The following SLC35F3 variants were observed in gnomAD, a reference collection of about 807,000 sequenced individuals.
SLC35F3 encodes the protein putative thiamine transporter SLC35F3.
SLC35F3 carries 25 observed loss-of-function variants against 49.9 expected under a neutral mutation model. The observed-to-expected ratio is 0.50, with a 90% CI of 0.37 to 0.70. The LOEUF is 0.70. Among genes scored for constraint, SLC35F3 ranks in the 30% least tolerant of loss-of-function variants. The pLI, the probability that SLC35F3 is intolerant of heterozygous loss-of-function variation, is 0.00. For synonymous variants in SLC35F3, 275 were observed against 265.4 expected, an observed-to-expected ratio of 1.04 and a Z score of -0.35; for missense variants, 525 against 639.8, an observed-to-expected ratio of 0.82 and a Z score of 1.94.
chr1:234,243,600 AATAG>A (rs766351727), intron 3 of SLC35F3, among the ~76,000 whole-genome samples: 14 of 152,212 alleles, frequency 9.2e-5, no homozygotes, highest in Non-Finnish European at 1.9e-4. Context: ...TAGGAGGTGT[AATAG>A]ATCTTCTCTA....
At chr1:234,289,091 A>C (rs1668466873) in intron 3 of SLC35F3, among the ~76,000 whole-genome samples, 1 of 152,194 alleles carries the variant, frequency 6.6e-6, no homozygotes, top group Non-Finnish European at 1.5e-5. Context: ...CAGTGCCCAG[A>C]GCCTTGAAAA....
chr1:233,911,101 A>G (rs1661866825), intron 2 of SLC35F3, among the ~76,000 whole-genome samples: 1 of 152,158 alleles, frequency 6.6e-6, no homozygotes, highest in Non-Finnish European at 1.5e-5. Context: ...TAAAAGTTGT[A>G]AAGGGTTTGT....
chr1:234,127,471 G>T (rs1417184714), intron 2 of SLC35F3, among the ~76,000 whole-genome samples: 2 of 152,166 alleles, frequency 1.3e-5, no homozygotes, highest in Non-Finnish European at 2.9e-5. Context: ...CTGCATGGGT[G>T]AGATCCTTTT....
chr1:234,099,565 G>A (rs893136156), intron 2 of SLC35F3, among the ~76,000 whole-genome samples: 68 of 145,610 alleles, frequency 4.7e-4, no homozygotes, highest in African/African-American at 1.6e-3. Context: ...AGCTGAGATC[G>A]CGCCACTGCA....
intron 2 of SLC35F3, among the ~76,000 whole-genome samples, chr1:233,941,790 A>G (rs1345095891): frequency 6.6e-6 from 1 of 152,132 alleles, no homozygotes; most frequent in Non-Finnish European, 1.5e-5. Flanking sequence ...ATTTTTTAAC[A>G]GCTTTATTGA....
chr1:234,238,532 G>A (rs1162545122), intron 3 of SLC35F3, among the ~76,000 whole-genome samples: 1 of 152,090 alleles, frequency 6.6e-6, no homozygotes, highest in Non-Finnish European at 1.5e-5. Context: ...TTTACACCAG[G>A]TCCCACCACT....
intron 3 of SLC35F3, among the ~76,000 whole-genome samples, chr1:234,293,270 G>A (rs553162764): frequency 6.6e-6 from 1 of 152,334 alleles, no homozygotes; most frequent in East Asian, 1.9e-4. Context: ...AAGGCCTGTC[G>A]GGAAGCCTCT....
At chr1:234,077,479 C>T (rs1664809594) in intron 2 of SLC35F3, among the ~76,000 whole-genome samples, 1 of 152,178 alleles carries the variant, frequency 6.6e-6, no homozygotes, top group South Asian at 2.1e-4. Flanking sequence ...CTCCTGAAAA[C>T]TCACTATCAT....
At chr1:233,977,860 C>T (rs1268836062) in intron 2 of SLC35F3, among the ~76,000 whole-genome samples, 1 of 152,074 alleles carries the variant, frequency 6.6e-6, no homozygotes, top group African/African-American at 2.4e-5. Context: ...CAGGCCAGGG[C>T]GTTTGGACTC....
At chr1:234,081,475 G>A (rs529935988) in intron 2 of SLC35F3, among the ~76,000 whole-genome samples, 1 of 152,274 alleles carries the variant, frequency 6.6e-6, no homozygotes, top group South Asian at 2.1e-4. Context: ...AGGACCTGGG[G>A]GAGGGGCTAC....
At chr1:234,286,172 A>C (rs1180000266) in intron 3 of SLC35F3, among the ~76,000 whole-genome samples, 1 of 152,242 alleles carries the variant, frequency 6.6e-6, no homozygotes, top group Admixed American at 6.5e-5. Context: ...GACAAAATTG[A>C]GGCTCAGAGA....
intron 2 of SLC35F3, among the ~76,000 whole-genome samples, chr1:234,034,435 A>G (rs1252952966): frequency 1.3e-5 from 2 of 152,216 alleles, no homozygotes; most frequent in Non-Finnish European, 2.9e-5. Flanking sequence ...CTCAGGTGGA[A>G]TACTTCCAAC....
chr1:233,974,856 G>A (rs1197282492), intron 2 of SLC35F3, among the ~76,000 whole-genome samples: 1 of 152,232 alleles, frequency 6.6e-6, no homozygotes, highest in East Asian at 1.9e-4. Flanking sequence ...ATTATTCTGA[G>A]ATCATAATGT....
intron 2 of SLC35F3, among the ~76,000 whole-genome samples, chr1:234,087,914 C>A (rs1427637833): frequency 2.0e-5 from 3 of 152,158 alleles, no homozygotes; most frequent in African/African-American, 7.2e-5. Context: ...AGTGACATGG[C>A]CCTTCTTTAT....
intron 2 of SLC35F3, among the ~76,000 whole-genome samples, chr1:233,996,443 A>G (rs1274652300): frequency 6.6e-6 from 1 of 152,088 alleles, no homozygotes; most frequent in Non-Finnish European, 1.5e-5. Context: ...TGCATGTGTT[A>G]TTCCTAGTGC....
chr1:234,226,524 T>C (rs1667287213), intron 2 of SLC35F3, among the ~76,000 whole-genome samples: 2 of 149,694 alleles, frequency 1.3e-5, no homozygotes, highest in African/African-American at 5.0e-5. Flanking sequence ...TTCTTGCTTT[T>C]CATTGTAGAA....
At chr1:234,160,998 G>C (rs6671748) in intron 2 of SLC35F3, among the ~76,000 whole-genome samples, 22,761 of 152,132 alleles carry the variant, frequency 0.15, 5,410 homozygotes, top group African/African-American at 0.5. Context: ...TTGGATCCAG[G>C]CTTTCCTGCT....
chr1:234,087,935 C>T (rs1351541091), intron 2 of SLC35F3, among the ~76,000 whole-genome samples: 2 of 152,194 alleles, frequency 1.3e-5, no homozygotes, highest in Admixed American at 6.5e-5. Context: ...TCATTGTTCA[C>T]GGGTCCTTTT....
At chr1:234,023,663 G>A (rs1034587458) in intron 2 of SLC35F3, among the ~76,000 whole-genome samples, 1 of 152,002 alleles carries the variant, frequency 6.6e-6, no homozygotes, top group Non-Finnish European at 1.5e-5. Context: ...CTTAACAGTG[G>A]AGAAACCTGG....
Sources: allele counts gnomAD v4.1 joint callset (sites outside exome capture counted in the v4.1 genomes callset), GRCh38; gene constraint gnomAD v4.1.1; transcripts MANE v1.5; gene names NCBI Gene and HGNC (gene_info 2026-07-23, HGNC 2026-07-21).